The following PRKG1 variants were observed in gnomAD, a reference collection of about 807,000 sequenced individuals.
PRKG1 encodes cGMP-dependent protein kinase 1.
Under a neutral mutation model 88.1 loss-of-function variants are expected in PRKG1, and 35 were observed. That is an observed-to-expected ratio of 0.40 (90% confidence interval 0.30 to 0.53). The LOEUF is 0.53. Ranked by LOEUF, PRKG1 falls within the 20% of genes least tolerant of loss-of-function variation. PRKG1 has a pLI of 0.59. For synonymous variants in PRKG1, 303 were observed against 292.5 expected, an observed-to-expected ratio of 1.04 and a Z score of -0.37; for missense variants, 540 against 839.8, an observed-to-expected ratio of 0.64 and a Z score of 4.41.
intron 5 of PRKG1, among the ~76,000 whole-genome samples, chr10:51,934,072 C>T (rs772363365): frequency 6.6e-6 from 1 of 152,044 alleles, no homozygotes; most frequent in Non-Finnish European, 1.5e-5. Context: ...AATGCACTTT[C>T]CTGGTGTACA....
chr10:51,941,220 A>C (rs775711831), intron 5 of PRKG1, among the ~76,000 whole-genome samples: 25 of 151,896 alleles, frequency 1.6e-4, no homozygotes, highest in Non-Finnish European at 3.1e-4. Flanking sequence ...CTTTTAAACA[A>C]ATTTAAAATA....
chr10:52,008,446 C>T (rs184604838), intron 5 of PRKG1, among the ~76,000 whole-genome samples: 9 of 152,182 alleles, frequency 5.9e-5, no homozygotes, highest in African/African-American at 1.7e-4. Flanking sequence ...GGGGACATTA[C>T]CACTGACCTC....
intron 4 of PRKG1, among the ~76,000 whole-genome samples, chr10:51,879,684 T>C (rs1176633956): frequency 6.6e-6 from 1 of 151,372 alleles, no homozygotes; most frequent in Non-Finnish European, 1.5e-5. Flanking sequence ...GTAGATTTAG[T>C]ATATAGGTCT....
intron 3 of PRKG1, among the ~76,000 whole-genome samples, chr10:51,522,876 G>T (rs1044509907): frequency 6.6e-6 from 1 of 152,082 alleles, no homozygotes; most frequent in Non-Finnish European, 1.5e-5. Flanking sequence ...TGCTCTTAAG[G>T]TGTGAAGGCT....
intron 5 of PRKG1, among the ~76,000 whole-genome samples, chr10:52,024,052 T>C (rs898564042): frequency 2.0e-5 from 3 of 152,136 alleles, no homozygotes; most frequent in Non-Finnish European, 4.4e-5. Context: ...TTAGGTCTTA[T>C]GTTTAAGTCT....
chr10:52,121,740 A>G (rs550282283), intron 7 of PRKG1, among the ~76,000 whole-genome samples: 35 of 152,258 alleles, frequency 2.3e-4, no homozygotes, highest in Admixed American at 3.9e-4. Context: ...GCCTTTAGTG[A>G]CCATATTTCT....
At chr10:51,445,592 T>C (rs1247920443) in intron 2 of PRKG1, among the ~76,000 whole-genome samples, 2 of 151,948 alleles carry the variant, frequency 1.3e-5, no homozygotes, top group East Asian at 1.9e-4. Context: ...CCTCATCAAG[T>C]AGTTAATTTG....
chr10:52,221,374 A>G lies in PRKG1; in HGVS notation c.1077-30196A>G, dbSNP rs1840240512. On this transcript the variant is annotated intron_variant, in intron 9 of 17. Coordinates refer to ENST00000373980, the MANE Select transcript of PRKG1 (RefSeq NM_006258.4). ...CCTCTGTTAAAATTTAATGTAGAAA[A>G]TGAGCTGAATAAATGTTACAATGAG... is the stretch of plus-strand genomic sequence containing the variant. 2.6e-5 allele frequency among the ~76,000 whole-genome samples: 4 copies of G among 152,310 alleles called. No homozygotes were observed. The South Asian group carries it at 8.3e-4, about 32-fold the overall frequency.
At chr10:51,226,132 A>T (rs1272666362) in intron 2 of PRKG1, among the ~76,000 whole-genome samples, 1 of 152,134 alleles carries the variant, frequency 6.6e-6, no homozygotes, top group Non-Finnish European at 1.5e-5. Context: ...TGAACCCGGG[A>T]TTCAGAGGTT....
At chr10:51,189,257 T>C (rs992098594) in intron 2 of PRKG1, among the ~76,000 whole-genome samples, 7 of 151,960 alleles carry the variant, frequency 4.6e-5, no homozygotes. Flanking sequence ...AAATATTTCC[T>C]TAGTCAAAAT....
At chr10:51,666,761 G>A (rs2132340332) in intron 3 of PRKG1, among the ~76,000 whole-genome samples, 1 of 152,108 alleles carries the variant, frequency 6.6e-6, no homozygotes. Context: ...GTGTTCAGTA[G>A]AACTCTTGTA....
chr10:51,146,240 A>G (rs1002620074), intron 1 of PRKG1, among the ~76,000 whole-genome samples: 16 of 151,348 alleles, frequency 1.1e-4, no homozygotes, highest in African/African-American at 3.9e-4. Flanking sequence ...CCTCTCTAGC[A>G]TTTTGTTATT....
At chr10:51,026,886 T>C (rs1843213528) in intron 1 of PRKG1, among the ~76,000 whole-genome samples, 1 of 152,190 alleles carries the variant, frequency 6.6e-6, no homozygotes, top group African/African-American at 2.4e-5. Flanking sequence ...AAATAAGCAT[T>C]AAGATTAGCT....
intron 7 of PRKG1, among the ~76,000 whole-genome samples, chr10:52,109,471 G>A (rs1228219405): frequency 1.3e-5 from 2 of 152,114 alleles, no homozygotes; most frequent in East Asian, 3.9e-4. Context: ...CATTTATTTA[G>A]ATGTAAAATG....
Position 52,288,864 on chromosome 10 carries a change from A to G in PRKG1, c.1832+16A>G. On this transcript the variant is annotated intron_variant, in intron 15 of 17. Coordinates refer to ENST00000373980, the MANE Select transcript of PRKG1 (RefSeq NM_006258.4). The stretch of plus-strand genomic sequence containing the variant: ...AACTATGCAGGTAAGTATTTCAACC[A>G]CATTATTTTTGAAAACATCATAATG... 6.3e-7 allele frequency: 1 copy of G among 1,596,192 alleles called. No homozygotes were observed. Among genetic ancestry groups the G allele is most frequent in the Middle Eastern group, 1.7e-4 (1 of 5,926 alleles).
chr10:51,229,926 CAAAAAA>C (rs35300789), intron 2 of PRKG1, among the ~76,000 whole-genome samples: 5 of 33,586 alleles, frequency 1.5e-4, no homozygotes, highest in Admixed American at 6.9e-4. Context: ...GAGGCGATCT[CAAAAAA>C]AAAAAAAAAA....
At chr10:51,649,054 A>G (rs187339980) in intron 3 of PRKG1, among the ~76,000 whole-genome samples, 4 of 152,302 alleles carry the variant, frequency 2.6e-5, no homozygotes, top group Non-Finnish European at 4.4e-5. Flanking sequence ...CAGAATGCCT[A>G]AAGTATCTAT....
chr10:51,992,178 C>G (rs2133130380), intron 5 of PRKG1, among the ~76,000 whole-genome samples: 1 of 152,152 alleles, frequency 6.6e-6, no homozygotes, highest in Non-Finnish European at 1.5e-5. Context: ...GCACTGGTTT[C>G]CAACCTGAGA....
chr10:51,670,682 GC>G (rs1840539062), intron 3 of PRKG1, among the ~76,000 whole-genome samples: 1 of 147,604 alleles, frequency 6.8e-6, no homozygotes, highest in South Asian at 2.1e-4. Flanking sequence ...CTTGCAGTGA[GC>G]CGAGATCCCG....
Sources: gnomAD v4.1 joint callset for allele counts (sites outside exome capture counted in the v4.1 genomes callset) on GRCh38, gnomAD v4.1.1 for gene constraint, MANE v1.5 for transcripts, NCBI Gene and HGNC (gene_info 2026-07-23, HGNC 2026-07-21) for gene names.